Variants in ASTN2 observed in about 807,000 individuals in gnomAD.
ASTN2 encodes the protein astrotactin-2.
In ASTN2, 54 loss-of-function variants were observed where a neutral mutation model predicts 139.8. That is an observed-to-expected ratio of 0.39 (90% CI 0.31 to 0.48). The LOEUF is 0.48. Ranked by LOEUF, ASTN2 falls within the 20% of genes least tolerant of loss-of-function variation. ASTN2 has a pLI of 0.95. For synonymous variants in ASTN2, 756 were observed against 719.5 expected (o/e 1.05, Z -0.81); for missense variants, 1,565 against 1,725.1 (o/e 0.91, Z 1.64).
intron 7 of ASTN2, among the ~76,000 whole-genome samples, chr9:116,987,602 T>C (rs1277884849): frequency 6.6e-6 from 1 of 152,234 alleles, no homozygotes; most frequent in African/African-American, 2.4e-5. Flanking sequence ...CTTTTCTTCA[T>C]AAATTACCCA....
intron 19 of ASTN2, among the ~76,000 whole-genome samples, chr9:116,558,266 T>C (rs1473391898): frequency 6.6e-6 from 1 of 151,968 alleles, no homozygotes; most frequent in Admixed American, 6.6e-5. Context: ...AGCTTCTACT[T>C]AGGAGGGCTT....
chr9:116,934,235 T>G (rs1835001957), intron 10 of ASTN2, among the ~76,000 whole-genome samples: 1 of 152,128 alleles, frequency 6.6e-6, no homozygotes. Flanking sequence ...GAAGCCCGAT[T>G]TCTTTTCTCA....
intron 11 of ASTN2, among the ~76,000 whole-genome samples, chr9:116,861,214 TACACACACACACACACAC>T (rs60909208): frequency 2.2e-4 from 31 of 143,772 alleles, no homozygotes; most frequent in East Asian, 1.7e-3. Flanking sequence ...AAGCCCAAGC[TACACACACACACACACAC>T]ACACACACAC....
chr9:116,874,935 TG>T (rs1259238157), intron 10 of ASTN2, among the ~76,000 whole-genome samples: 1 of 152,210 alleles, frequency 6.6e-6, no homozygotes, highest in African/African-American at 2.4e-5. Context: ...GTTTATGGTT[TG>T]GGGAGCCCTC....
intron 1 of ASTN2, among the ~76,000 whole-genome samples, chr9:117,316,235 C>G (rs1828140693): frequency 6.6e-6 from 1 of 152,176 alleles, no homozygotes. Context: ...GGCTTCAACA[C>G]AGATGACCTG....
intron 7 of ASTN2, among the ~76,000 whole-genome samples, chr9:116,989,243 T>C (rs1012120951): frequency 3.3e-5 from 5 of 152,224 alleles, no homozygotes; most frequent in African/African-American, 7.2e-5. Flanking sequence ...TTGAGTGCAA[T>C]GGGCCATACC....
intron 2 of ASTN2, among the ~76,000 whole-genome samples, chr9:117,242,238 C>G (rs1445955017): frequency 6.6e-6 from 1 of 151,968 alleles, no homozygotes; most frequent in Non-Finnish European, 1.5e-5. Flanking sequence ...CTACATCCTC[C>G]CAAGCATTCC....
intron 19 of ASTN2, among the ~76,000 whole-genome samples, chr9:116,573,042 C>T (rs1162048315): frequency 6.8e-6 from 1 of 147,552 alleles, no homozygotes; most frequent in South Asian, 2.4e-4. Flanking sequence ...CACATATATA[C>T]ACACACACAC....
chr9:117,365,475 G>C (rs1377321196), intron 1 of ASTN2, among the ~76,000 whole-genome samples: 1 of 152,074 alleles, frequency 6.6e-6, no homozygotes, highest in Non-Finnish European at 1.5e-5. Context: ...GTCTCAAAAT[G>C]ACCCAGGCTG....
chr9:116,537,394 T>C (rs1851686554), intron 19 of ASTN2, among the ~76,000 whole-genome samples: 3 of 152,250 alleles, frequency 2.0e-5, no homozygotes, highest in Admixed American at 1.3e-4. Context: ...CAATTTACAT[T>C]GATAACTTCA....
At chr9:117,242,211 G>A (rs1833236495) in intron 2 of ASTN2, among the ~76,000 whole-genome samples, 1 of 151,738 alleles carries the variant, frequency 6.6e-6, no homozygotes, top group South Asian at 2.1e-4. Flanking sequence ...ATTTGGAATG[G>A]TTCCCCTGGA....
chr9:116,579,226 G>A (rs1451829666), intron 19 of ASTN2, among the ~76,000 whole-genome samples: 4 of 152,118 alleles, frequency 2.6e-5, no homozygotes, highest in Admixed American at 6.5e-5. Flanking sequence ...GAAGTGACTT[G>A]CCCAGTGTCA....
At chr9:117,231,767 G>A (rs1277970826) in intron 2 of ASTN2, among the ~76,000 whole-genome samples, 1 of 152,080 alleles carries the variant, frequency 6.6e-6, no homozygotes, top group Non-Finnish European at 1.5e-5. Flanking sequence ...AGGAAGTGCA[G>A]GAGAGTAGAA....
In ASTN2 at chr9:117,331,231, G is replaced by A. The variant is rs199705378; in HGVS notation, c.443-39718C>T. ...CAAGCTGAAGTGTGGAAGTCAGAAT[G>A]GGGGAACCTGAGCTATTAGCTCCTT... On this transcript the variant is annotated intron_variant, in intron 1 of 22. Coordinates refer to ENST00000313400, the MANE Select transcript of ASTN2 (RefSeq NM_001365068.1). Among the ~76,000 whole-genome samples, 4 of 152,166 alleles carry A rather than the reference G, an allele frequency of 2.6e-5. No individual in the cohort carries two copies. In the East Asian group the frequency reaches 7.7e-4, roughly 29 times the overall value.
rs561139682 is a variant in ASTN2, at chr9:117,227,084, G to A, written c.631-12342C>T. Among the ~76,000 whole-genome samples, 257 of 152,226 alleles carry A rather than the reference G, an allele frequency of 1.7e-3. 1 individual carries two copies. The highest frequency in any genetic ancestry group is 2.4e-3 in the Admixed American group (37 of 15,286). On this transcript the variant is annotated intron_variant, in intron 2 of 22. Transcript: ENST00000313400. Reference sequence around the variant, plus strand: ...TGGCAGCATAGTGGGTCTGATGCTGGCTTCTTTAGAAATCATGGGTGGGGG... The same window carrying A: ...TGGCAGCATAGTGGGTCTGATGCTGACTTCTTTAGAAATCATGGGTGGGGG...
intron 1 of ASTN2, among the ~76,000 whole-genome samples, chr9:117,388,343 C>T (rs1830453701): frequency 1.3e-5 from 2 of 152,162 alleles, no homozygotes; most frequent in African/African-American, 4.8e-5. Context: ...CTAGATGAGA[C>T]ATATATATCA....
chr9:117,200,996 CTTT>C lies in ASTN2; in HGVS notation c.1015+13359_1015+13361del, dbSNP rs777675838. On this transcript the variant is annotated intron_variant, in intron 3 of 22. Transcript: ENST00000313400. ...AGCTATGAAACCATCTGGTCCTGGG[CTTT>C]TTTTTTTTTTTTTTTTGGTTGGTTG... Among the ~76,000 whole-genome samples, 9 of 94,964 alleles carry C rather than the reference CTTT, an allele frequency of 9.5e-5. No individual in the cohort carries two copies. The East Asian group carries it at 1.0e-3, about 11-fold the overall frequency. 62.3% of individuals were successfully genotyped at this position (94,964 alleles called of 152,430 possible).
chr9:117,118,112 C>T (rs1829446054), intron 4 of ASTN2, among the ~76,000 whole-genome samples: 1 of 152,168 alleles, frequency 6.6e-6, no homozygotes, highest in Non-Finnish European at 1.5e-5. Context: ...GGTCTACATC[C>T]TGGTTCTATC....
intron 16 of ASTN2, among the ~76,000 whole-genome samples, chr9:116,717,481 C>G (rs1362744828): frequency 1.3e-5 from 2 of 152,098 alleles, no homozygotes; most frequent in African/African-American, 4.8e-5. Context: ...GTCTCTCTGC[C>G]TTCTGCAAGA....
Sources: allele counts gnomAD v4.1 joint callset (sites outside exome capture counted in the v4.1 genomes callset), GRCh38; gene constraint gnomAD v4.1.1; transcripts MANE v1.5; gene names NCBI Gene and HGNC (gene_info 2026-07-23, HGNC 2026-07-21).